The following WDR24 variants were observed in gnomAD, a reference collection of about 807,000 sequenced individuals.
The protein encoded by WDR24 is WD repeat domain 24.
A neutral mutation model predicts 66.7 loss-of-function variants in WDR24; 32 were observed. The ratio of observed to expected loss-of-function variants is 0.48; its 90% CI spans 0.36 to 0.64. WDR24 has a LOEUF of 0.64. WDR24 is among the 30% of genes least tolerant of loss of function. The pLI, the probability that WDR24 is intolerant of heterozygous loss-of-function variation, is 0.00. For missense variants in WDR24, 978 were observed against 1,144.1 expected (o/e 0.85, Z 2.09); for synonymous variants, 565 against 469.1 (o/e 1.20, Z -2.64).
Position 685,050 on chromosome 16 carries a change from G to A in WDR24, c.2146C>T (p.His716Tyr), listed in dbSNP as rs752887367. Residue 716 changes from histidine to tyrosine, a missense_variant, in exon 8 of 9, where the codon CAC (histidine) becomes TAC (tyrosine). His to Tyr is a moderately conservative substitution (Grantham distance 83). This residue lies in a region of WDR24 where 676 missense variants were observed against 617.5 expected (regional missense o/e 1.09). Transcript: ENST00000293883. The stretch of plus-strand genomic sequence containing the variant: ...CGCTTGCAGTGGCTGCAGTTGACGT[G>A]CAGGGTGGTGGAGGCCTGGTTGAGG... ...SCLNQASTTL[H>Y]VNCSHCKRPM... The A allele has an allele frequency of 9.6e-6, 15 of 1,557,648 alleles. No homozygotes were observed. The highest frequency in any genetic ancestry group is 1.0e-5 in the Non-Finnish European group (12 of 1,152,290).
rs754936701 is a variant in WDR24, at chr16:689,239, G to A, written c.402C>T (p.His134=). The change falls in exon 1 of 9, where the codon CAC becomes CAT. Residue 134 remains histidine, a synonymous_variant. Transcript: ENST00000293883. ...CATCCTGGGAGCCACTGAGCAGCAC[G>A]TGGGCTTCGGTGGGGTGGAAGCAGA... ...NKVCFHPTEA[H]VLLSGSQDGF... is the part of the protein sequence containing the mutation. 13 of 1,613,882 alleles carry A rather than the reference G, an allele frequency of 8.1e-6. No individual in the cohort carries two copies. Among genetic ancestry groups the A allele is most frequent in the Middle Eastern group, 1.6e-4 (1 of 6,084 alleles).
chr16:684,906 GGGGC>G lies in WDR24; in HGVS notation c.2205-8_2205-5del, dbSNP rs2039867568. 4 of 1,539,642 alleles carry G rather than the reference GGGGC, an allele frequency of 2.6e-6. No individual in the cohort carries two copies. The highest frequency in any genetic ancestry group is 3.5e-6 in the Non-Finnish European group (4 of 1,143,640). On this transcript the variant is annotated splice_polypyrimidine_tract_variant and splice_region_variant and intron_variant, in intron 8 of 8. Transcript: ENST00000293883. ...CATGCTGGCGCAGCGGTGGCACCTG[GGGGC>G]GGGCGGGAGGGAGGGTGCCTCAGCG...
rs773506352 is a variant in WDR24, at chr16:687,854, G to C, written c.482-115C>G. The C allele has an allele frequency of 2.2e-6, 3 of 1,384,216 alleles. No individual in the cohort carries two copies. In the South Asian group the frequency reaches 3.7e-5, roughly 17 times the overall value. The allele number at this position is 1,384,216 out of a possible 1,614,324, so 85.7% of individuals were successfully genotyped here. A position where few individuals can be genotyped will look rare whatever the true frequency, so the allele number is the denominator to read the frequency against. ...GCCTGTGGCCCAGAACAGAGGCCCA[G>C]AGGGTAGAGTGGACATCCCCAAGAT... On this transcript the variant is annotated intron_variant, in intron 1 of 8. Coordinates refer to ENST00000293883, the MANE Select transcript of WDR24 (RefSeq NM_032259.4).
Position 686,896 on chromosome 16 carries a change from A to G in WDR24, c.1180T>C (p.Ser394Pro). Residue 394 changes from serine (S) to proline (P), a missense_variant, in exon 3 of 9, where the codon TCC becomes CCC. Coordinates refer to ENST00000293883, the MANE Select transcript of WDR24 (RefSeq NM_032259.4). ...GTCTCAAAGACACTGAGGGCACTGG[A>G]GGCGAGGCCTGCGAAGGGCTCGGCA... ...DPAEPFAGLA[S>P]SALSVFETEP... The G allele has an allele frequency of 6.2e-7, 1 of 1,609,122 alleles. No individual in the cohort carries two copies. Among genetic ancestry groups the G allele is most frequent in the Non-Finnish European group, 8.5e-7 (1 of 1,179,516 alleles).
intron 1 of WDR24, 79 bp downstream of exon 1, chr16:689,081 G>A (rs2039939915): frequency 4.5e-6 from 7 of 1,568,668 alleles, no homozygotes; most frequent in South Asian, 2.4e-5. Flanking sequence ...CTGATGCACG[G>A]AGCCCTTTTC....
In WDR24 at chr16:690,391, C is replaced by T. The variant is rs1340723550; in HGVS notation, c.-751G>A. 1 of 456,708 alleles carries T rather than the reference C, an allele frequency of 2.2e-6. No individual in the cohort carries two copies. The highest frequency in any genetic ancestry group is 1.5e-5 in the South Asian group (1 of 64,574). 28.3% of individuals were successfully genotyped at this position (456,708 alleles called of 1,614,324 possible). A position where few individuals can be genotyped will look rare whatever the true frequency, so the allele number is the denominator to read the frequency against. ...GCACGGTTGTCCGGAACCGCCGCGC[C>T]GGAAGCCGCTGTCTTTCCCGTCCCT... On this transcript the variant is annotated 5_prime_UTR_variant, in exon 1 of 9. Transcript: ENST00000293883.
Position 687,010 on chromosome 16 carries a change from T to G in WDR24, c.1066A>C (p.Lys356Gln), listed in dbSNP as rs1370298044. ...GLFGDLAFAA[K>Q]ESLVAAESGR... ...GACTCGGCAGCCACGAGGCTCTCCT[T>G]GGCGGCGAAGGCCAGGTCCCCGAAG... The change falls in exon 3 of 9, where the codon AAG (lysine) becomes CAG (glutamine). Residue 356 changes from lysine (K) to glutamine (Q), a missense_variant. By Grantham distance (53) the Lys-to-Gln change is moderately conservative. Coordinates refer to ENST00000293883, the MANE Select transcript of WDR24 (RefSeq NM_032259.4). 1.9e-6 allele frequency: 3 copies of G among 1,601,908 alleles called. No homozygotes were observed. In the East Asian group the frequency reaches 6.7e-5, roughly 36 times the overall value.
Position 685,475 on chromosome 16 carries a change from C to G in WDR24, c.1801G>C (p.Glu601Gln). ...GGGGCCAGGGAGGCCACATCCGCCT[C>G]GCTGCCGCTCACGTGCGGGGAGTCG... ...KADSPHVSGS[E>Q]ADVASLAPVD... Residue 601 changes from glutamate to glutamine, a missense_variant, in exon 7 of 9, where the codon GAG becomes CAG. Transcript: ENST00000293883. The G allele has an allele frequency of 1.2e-6, 2 of 1,601,732 alleles. No individual in the cohort carries two copies. Among genetic ancestry groups the G allele is most frequent in the Non-Finnish European group, 1.7e-6 (2 of 1,171,392 alleles).
intron 1 of WDR24, 33 bp downstream of exon 1, chr16:689,126 GC>G: frequency 1.2e-6 from 2 of 1,603,304 alleles, no homozygotes; most frequent in Non-Finnish European, 1.7e-6. Flanking sequence ...CGGCAGAGAC[GC>G]CCACCTGCCC....
At position 690,120 on chromosome 16, in the gene WDR24, G is replaced by A; in HGVS notation, c.-480C>T. ...AACAAAAGAGGGGAGGGAACAGAGG[G>A]CTAGAGGGGCCCGGGGACTCAGGCG... On this transcript the variant is annotated 5_prime_UTR_variant, in exon 1 of 9. Transcript: ENST00000293883. 2 of 451,934 alleles carry A rather than the reference G, an allele frequency of 4.4e-6. No homozygotes were observed. Among genetic ancestry groups the A allele is most frequent in the South Asian group, 3.1e-5 (2 of 64,148 alleles). The allele number at this position is 451,934 out of a possible 1,614,324, so 28.0% of individuals were successfully genotyped here.
rs777406492 is a variant in WDR24 at position 689,429 on chromosome 16, G to A, written c.212C>T (p.Pro71Leu). The A allele has an allele frequency of 1.2e-6, 2 of 1,613,636 alleles. No individual in the cohort carries two copies. The highest frequency in any genetic ancestry group is 1.1e-5 in the South Asian group (1 of 91,084). ...EKLNLRVGRK[P>L]SLNLSCADVV... is the part of the protein sequence containing the mutation. ...GTCAGCACAGCTCAGGTTAAGCGAA[G>A]GCTTGCGCCCCACACGCAGGTTCAG... The change falls in exon 1 of 9, where the codon CCT becomes CTT. Residue 71 changes from proline to leucine, a missense_variant. By Grantham distance (98) the Pro-to-Leu change is moderately conservative (BLOSUM62 -3). Around this residue, in one of 2 missense-constraint regions of WDR24, gnomAD observed 302 missense variants for 526.6 expected, o/e 0.57. Transcript: ENST00000293883.
In WDR24 at chr16:689,608, C is replaced by G. The variant is rs778261058; in HGVS notation, c.33G>C (p.Leu11=). The change falls in exon 1 of 9, where the codon CTG becomes CTC. Residue 11 remains leucine, a synonymous_variant. Coordinates refer to ENST00000293883, the MANE Select transcript of WDR24 (RefSeq NM_032259.4). MEKMSRVTTA[L]GGSVLTGRTM... ...TGCGGCCTGTCAGCACGCTGCCACC[C>G]AGGGCTGTGGTCACACGGGACATCT... 1.9e-6 allele frequency: 3 copies of G among 1,612,814 alleles called. No homozygotes were observed. Among genetic ancestry groups the G allele is most frequent in the Admixed American group, 1.7e-5 (1 of 60,022 alleles).
At chr16:688,050 T>C in intron 1 of WDR24, 2 of 540,026 alleles carry the variant, frequency 3.7e-6, no homozygotes, top group South Asian at 1.5e-5. Context: ...AGCTGAGCAC[T>C]GGGAGAATAG....
At position 685,780 on chromosome 16, in the gene WDR24, T is replaced by G; in HGVS notation, c.1577A>C (p.Asn526Thr). The G allele has an allele frequency of 6.2e-7, 1 of 1,613,228 alleles. No individual in the cohort carries two copies. Among genetic ancestry groups the G allele is most frequent in the Non-Finnish European group, 8.5e-7 (1 of 1,179,996 alleles). ...SSATLITNEDNEETEGSDVPA... is the reference protein window; with the variant it reads ...SSATLITNEDTEETEGSDVPA... Reference sequence around the variant, plus strand: ...TACGTCGCTGCCCTCGGTTTCCTCGTTATCTGCCCGACAATGGGGCGGGCA... The same window carrying G: ...TACGTCGCTGCCCTCGGTTTCCTCGGTATCTGCCCGACAATGGGGCGGGCA... The change falls in exon 6 of 9, where the codon AAC becomes ACC. Residue 526 changes from asparagine (N) to threonine (T), a missense_variant. Physicochemically the swap from Asn to Thr is moderately conservative, Grantham distance 65. This residue lies in a region of WDR24 where 676 missense variants were observed against 617.5 expected (regional missense o/e 1.09). Transcript: ENST00000293883.
Position 689,673 on chromosome 16 carries a change from G to A in WDR24, c.-33C>T, listed in dbSNP as rs1567295163. On this transcript the variant is annotated 5_prime_UTR_variant, in exon 1 of 9. Transcript: ENST00000293883. ...CAGGTGATGAGGTCAGGGGTCAGGA[G>A]GTCAGTGAGGTGGGCTGGCCTGGTC... 1 of 1,602,908 alleles carries A rather than the reference G, an allele frequency of 6.2e-7. No homozygotes were observed. Among genetic ancestry groups the A allele is most frequent in the Non-Finnish European group, 8.5e-7 (1 of 1,173,570 alleles).
In WDR24 at chr16:685,405, T is replaced by A; in HGVS notation, c.1871A>T (p.Tyr624Phe). Residue 624 changes from tyrosine (Y) to phenylalanine (F), a missense_variant, in exon 7 of 9, where the codon TAC becomes TTC. This residue lies in a region of WDR24 where 676 missense variants were observed against 617.5 expected (regional missense o/e 1.09). Transcript: ENST00000293883. ...GAAGTCGGGCGGCAGGCGGCTGTCG[T>A]AGAGCGCGTGTGAGACAGACAGGAG... ...FSLLSVSHAL[Y>F]DSRLPPDFFG... The A allele has an allele frequency of 6.2e-7, 1 of 1,612,608 alleles. No homozygotes were observed. The highest frequency in any genetic ancestry group is 2.2e-5 in the East Asian group (1 of 44,874).
chr16:686,553 C>T (rs1052112284), intron 3 of WDR24, among the ~76,000 whole-genome samples, 191 bp downstream of exon 3: 3 of 89,976 alleles, frequency 3.3e-5, no homozygotes, highest in Non-Finnish European at 6.1e-5. Context: ...GAGGACAGTC[C>T]TGGGTCTGGC....
chr16:687,401 A>G lies in WDR24; in HGVS notation c.675T>C (p.Thr225=), dbSNP rs1457425439. The G allele has an allele frequency of 5.0e-6, 8 of 1,589,734 alleles. No individual in the cohort carries two copies. Among genetic ancestry groups the G allele is most frequent in the Admixed American group, 1.7e-5 (1 of 58,790 alleles). The part of the protein sequence containing the change: ...WHPEDRGWLA[T]GGRDKMVKVW... Reference sequence around the variant, plus strand: ...CCTTCACCATCTTGTCGCGCCCTCCAGTGGCCAACCAGCCCCTGTGGGAAG... The same window carrying G: ...CCTTCACCATCTTGTCGCGCCCTCCGGTGGCCAACCAGCCCCTGTGGGAAG... The change falls in exon 3 of 9, where the codon ACT becomes ACC. Residue 225 remains threonine (T), a synonymous_variant. Transcript: ENST00000293883.
chr16:686,264 C>T, intron 3 of WDR24, 78 bp from the exon 4 acceptor site: 1 of 1,496,300 alleles, frequency 6.7e-7, no homozygotes, highest in South Asian at 1.2e-5. Context: ...CCTGGACAGT[C>T]ACAAGCCCTC....
Sources: allele counts gnomAD v4.1 joint callset (sites outside exome capture counted in the v4.1 genomes callset), GRCh38; gene constraint gnomAD v4.1.1; regional missense constraint gnomAD v4.1.1; transcripts MANE v1.5; gene names NCBI Gene and HGNC (gene_info 2026-07-23, HGNC 2026-07-21).